The following RBMS3 variants were observed in gnomAD, a reference collection of about 807,000 sequenced individuals.
RBMS3 encodes the protein RNA binding motif single stranded interacting protein 3.
A neutral mutation model predicts 66.8 loss-of-function variants in RBMS3; 27 were observed. The ratio of observed to expected loss-of-function variants is 0.40; its 90% CI spans 0.30 to 0.56. The LOEUF (loss-of-function observed/expected upper bound fraction) is 0.56, where lower values mean the gene tolerates loss of function less well. RBMS3 is among the 20% of genes least tolerant of loss of function. RBMS3 has a pLI of 0.40. For missense variants in RBMS3, 513 were observed against 549.5 expected, an observed-to-expected ratio of 0.93 and a Z score of 0.66; for synonymous variants, 188 against 183.0, an observed-to-expected ratio of 1.03 and a Z score of -0.22.
intron 10 of RBMS3, among the ~76,000 whole-genome samples, chr3:29,921,080 G>C (rs1338241473): frequency 4.6e-5 from 7 of 152,108 alleles, no homozygotes; most frequent in Non-Finnish European, 8.8e-5. Context: ...TTGTTGTTTT[G>C]AGATGGAGTT....
At chr3:29,309,618 C>G (rs1042177528) in intron 1 of RBMS3, among the ~76,000 whole-genome samples, 1 of 148,944 alleles carries the variant, frequency 6.7e-6, no homozygotes. Context: ...GTGGGGGGGG[C>G]GGTGGTGGCG....
At chr3:29,351,961 A>C (rs2036940544) in intron 1 of RBMS3, among the ~76,000 whole-genome samples, 2 of 152,098 alleles carry the variant, frequency 1.3e-5, no homozygotes, top group Admixed American at 1.3e-4. Context: ...CTAGAGTCCC[A>C]ACACTAATTA....
At chr3:29,940,792 G>A (rs1268365923) in intron 11 of RBMS3, among the ~76,000 whole-genome samples, 3 of 150,456 alleles carry the variant, frequency 2.0e-5, no homozygotes, top group Non-Finnish European at 4.4e-5. Flanking sequence ...TGCAAGCAGT[G>A]TAACTGTTTT....
chr3:29,527,181 T>TTAAAAAA lies in RBMS3; in HGVS notation c.307+38682_307+38683insTAAAAAA, dbSNP rs1491567884. On this transcript the variant is annotated intron_variant, in intron 3 of 14. Coordinates refer to ENST00000383767, the MANE Select transcript of RBMS3 (RefSeq NM_001003793.3). ...TTTCAGACGTGATTGTTAGGTAGAG[T>TTAAAAAA]AAAAAAAAAAAAAAAAAAAAAAAAA... is the stretch of plus-strand genomic sequence containing the variant. Among the ~76,000 whole-genome samples the TTAAAAAA allele has an allele frequency of 3.5e-4, 31 of 87,816 alleles. 2 individuals carry two copies. The highest frequency in any genetic ancestry group is 9.5e-4 in the African/African-American group (20 of 21,072). 57.6% of individuals were successfully genotyped at this position (87,816 alleles called of 152,430 possible).
chr3:29,526,767 A>G (rs1004165410), intron 3 of RBMS3, among the ~76,000 whole-genome samples: 1 of 151,896 alleles, frequency 6.6e-6, no homozygotes, highest in Non-Finnish European at 1.5e-5. Context: ...GTCTAATATG[A>G]CCCATCTAAT....
In RBMS3 at chr3:29,869,280, G is replaced by A. The variant is rs576523489; in HGVS notation, c.744+316G>A. ...TTTGTGTAATAGCTATAAAATGAGG[G>A]TATAATTACTTAACAAAATATTTTC... On this transcript the variant is annotated intron_variant, in intron 7 of 14. Coordinates refer to ENST00000383767, the MANE Select transcript of RBMS3 (RefSeq NM_001003793.3). Among the ~76,000 whole-genome samples, 5 of 152,220 alleles carry A rather than the reference G, an allele frequency of 3.3e-5. No individual in the cohort carries two copies. In the East Asian group the frequency reaches 7.7e-4, roughly 24 times the overall value.
At chr3:29,361,124 A>G (rs1005489390) in intron 1 of RBMS3, among the ~76,000 whole-genome samples, 15 of 151,960 alleles carry the variant, frequency 9.9e-5, no homozygotes, top group Admixed American at 7.9e-4. Context: ...CGTTACTTGA[A>G]GCAGTTTCTT....
chr3:29,430,627 G>C (rs752331171), intron 1 of RBMS3, among the ~76,000 whole-genome samples: 5 of 152,116 alleles, frequency 3.3e-5, no homozygotes, highest in Non-Finnish European at 5.9e-5. Context: ...AAGAGCCCTA[G>C]GGGGGAAAAG....
rs71091081 is a variant in RBMS3 at position 29,853,423 on chromosome 3, C to CTTTTTTTTTTTTTTTTTTTTTTTTTT, written c.638-15413_638-15412insTTTTTTTTTTTTTTTTTTTTTTTTTT. Among the ~76,000 whole-genome samples the CTTTTTTTTTTTTTTTTTTTTTTTTTT allele has an allele frequency of 1.4e-4, 12 of 84,526 alleles. 2 individuals are homozygous for CTTTTTTTTTTTTTTTTTTTTTTTTTT. Among genetic ancestry groups the CTTTTTTTTTTTTTTTTTTTTTTTTTT allele is most frequent in the African/African-American group, 6.0e-4 (11 of 18,406 alleles). The allele number at this position is 84,526 out of a possible 152,430, so 55.5% of individuals were successfully genotyped here. A position where few individuals can be genotyped will look rare whatever the true frequency, so the allele number is the denominator to read the frequency against. ...TGTATCTTAAGCTACAATTTACTTT[C>CTTTTTTTTTTTTTTTTTTTTTTTTTT]TTTTTTTTTTTTTTTTTTTTTTGCA... is the stretch of plus-strand genomic sequence containing the variant. On this transcript the variant is annotated intron_variant, in intron 6 of 14. Transcript: ENST00000383767.
chr3:29,322,059 C>T (rs2035040012), intron 1 of RBMS3, among the ~76,000 whole-genome samples: 1 of 152,078 alleles, frequency 6.6e-6, no homozygotes, highest in Non-Finnish European at 1.5e-5. Context: ...TTTTGCCAGG[C>T]ACTGAGCTTA....
At chr3:29,682,816 A>AAGAG in intron 4 of RBMS3, among the ~76,000 whole-genome samples, 1 of 152,176 alleles carries the variant, frequency 6.6e-6, no homozygotes, top group South Asian at 2.1e-4. Context: ...CAAAGTAGGA[A>AAGAG]AGAGAGAGAG....
intron 4 of RBMS3, among the ~76,000 whole-genome samples, chr3:29,601,573 G>T (rs1256739754): frequency 6.6e-6 from 1 of 151,860 alleles, no homozygotes; most frequent in Non-Finnish European, 1.5e-5. Flanking sequence ...AAAAATTAAA[G>T]GACTTGTGTT....
chr3:29,665,489 A>G (rs759174814), intron 4 of RBMS3, among the ~76,000 whole-genome samples: 1 of 152,168 alleles, frequency 6.6e-6, no homozygotes, highest in African/African-American at 2.4e-5. Context: ...TCCAAACACT[A>G]TCTGTCTTTT....
intron 6 of RBMS3, among the ~76,000 whole-genome samples, chr3:29,779,724 T>TATATATATATATATATATATATATAA (rs1559662703): frequency 1.4e-5 from 2 of 145,688 alleles, no homozygotes; most frequent in African/African-American, 2.5e-5. Flanking sequence ...TATATATATA[T>TATATATATATATATATATATATATAA]AAACAACCCC....
intron 1 of RBMS3, among the ~76,000 whole-genome samples, chr3:29,391,379 G>C (rs1018062136): frequency 2.6e-5 from 4 of 151,916 alleles, no homozygotes; most frequent in Non-Finnish European, 5.9e-5. Flanking sequence ...GAGCAAGCCA[G>C]GTAGAACAAC....
chr3:29,431,126 TA>T (rs2041171218), intron 1 of RBMS3, among the ~76,000 whole-genome samples: 1 of 152,172 alleles, frequency 6.6e-6, no homozygotes, highest in African/African-American at 2.4e-5. Context: ...CTGTAGATAT[TA>T]AATTTCAAAA....
intron 7 of RBMS3, among the ~76,000 whole-genome samples, chr3:29,875,465 CT>C (rs2059591355): frequency 6.6e-6 from 1 of 151,822 alleles, no homozygotes; most frequent in Admixed American, 6.6e-5. Flanking sequence ...TGAAATATTA[CT>C]TTAAACACCA....
At chr3:29,539,171 G>A (rs1176744887) in intron 3 of RBMS3, among the ~76,000 whole-genome samples, 1 of 152,080 alleles carries the variant, frequency 6.6e-6, no homozygotes, top group Non-Finnish European at 1.5e-5. Flanking sequence ...TGGAGATATA[G>A]GCTTCCAAAG....
At chr3:29,305,535 A>G (rs1315370199) in intron 1 of RBMS3, among the ~76,000 whole-genome samples, 1 of 151,940 alleles carries the variant, frequency 6.6e-6, no homozygotes, top group Admixed American at 6.6e-5. Flanking sequence ...ATGCCAGGGT[A>G]GTAATCCCTT....
Sources: allele counts gnomAD v4.1 joint callset (sites outside exome capture counted in the v4.1 genomes callset), GRCh38; gene constraint gnomAD v4.1.1; transcripts MANE v1.5; gene names NCBI Gene and HGNC (gene_info 2026-07-23, HGNC 2026-07-21).